Variants in PCBD2 observed in about 807,000 individuals in gnomAD.
PCBD2 encodes pterin-4-alpha-carbinolamine dehydratase 2.
Under a neutral mutation model 16.4 loss-of-function variants are expected in PCBD2, and 12 were observed. The observed-to-expected ratio is 0.73, with a 90% CI of 0.47 to 1.19. PCBD2 has a LOEUF of 1.19. PCBD2 is among the 50% of genes most tolerant of loss of function. The pLI is 0.00. For synonymous variants in PCBD2, 58 were observed against 61.8 expected (o/e 0.94, Z 0.29); for missense variants, 138 against 156.8 (o/e 0.88, Z 0.64).
intron 2 of PCBD2, chr5:134,926,782 G>A: frequency 2.5e-6 from 1 of 397,948 alleles, no homozygotes; most frequent in East Asian, 3.6e-5. Flanking sequence ...TGGTGGCTGA[G>A]CGAGCCTCAT....
intron 2 of PCBD2, among the ~76,000 whole-genome samples, chr5:134,914,718 C>T (rs955326535): frequency 6.6e-6 from 1 of 151,280 alleles, no homozygotes; most frequent in Non-Finnish European, 1.5e-5. Flanking sequence ...GTCACCCAGT[C>T]TGGAGTACAA....
chr5:134,926,748 A>G, intron 2 of PCBD2: 1 of 397,618 alleles, frequency 2.5e-6, no homozygotes. Flanking sequence ...TTCTCGTGTG[A>G]ATGAGGGTTT....
chr5:134,919,741 A>C (rs1425938893), intron 2 of PCBD2, among the ~76,000 whole-genome samples: 2 of 152,240 alleles, frequency 1.3e-5, no homozygotes, highest in Non-Finnish European at 2.9e-5. Flanking sequence ...AAATAATTGA[A>C]AGGAGACCTT....
intron 2 of PCBD2, chr5:134,925,660 G>A: frequency 2.5e-6 from 1 of 397,408 alleles, no homozygotes; most frequent in Non-Finnish European, 4.4e-6. Flanking sequence ...GTTATTCTCT[G>A]CTAGGGGGTG....
At chr5:134,955,656 C>A (rs866364134) in intron 2 of PCBD2, among the ~76,000 whole-genome samples, 16 of 152,224 alleles carry the variant, frequency 1.1e-4, no homozygotes, top group Admixed American at 2.0e-4. Context: ...TACATTTATT[C>A]TTTTCTAGTT....
At chr5:134,932,807 A>C (rs1342168570) in intron 2 of PCBD2, among the ~76,000 whole-genome samples, 2 of 152,032 alleles carry the variant, frequency 1.3e-5, no homozygotes, top group African/African-American at 4.8e-5. Context: ...TTAAACTATG[A>C]TTCTGTTATG....
intron 2 of PCBD2, chr5:134,927,677 G>T: frequency 2.5e-6 from 1 of 398,290 alleles, no homozygotes. Flanking sequence ...TTTCGAAGAA[G>T]ATATAAAATA....
At chr5:134,958,273 A>T (rs1751436405) in intron 2 of PCBD2, among the ~76,000 whole-genome samples, 1 of 152,246 alleles carries the variant, frequency 6.6e-6, no homozygotes, top group Non-Finnish European at 1.5e-5. Flanking sequence ...TCTTCTGAAG[A>T]CAAGTTTACC....
chr5:134,951,256 C>CCT (rs1660950741), intron 2 of PCBD2, among the ~76,000 whole-genome samples: 1 of 152,108 alleles, frequency 6.6e-6, no homozygotes, highest in African/African-American at 2.4e-5. Context: ...TCTTTTCTTT[C>CCT]CTTTTTATAT....
At chr5:134,952,769 G>C (rs1436309992) in intron 2 of PCBD2, among the ~76,000 whole-genome samples, 2 of 151,196 alleles carry the variant, frequency 1.3e-5, no homozygotes, top group Non-Finnish European at 2.9e-5. Flanking sequence ...TCGTGCCACT[G>C]CATTCCAACC....
At chr5:134,955,274 G>A (rs976380090) in intron 2 of PCBD2, among the ~76,000 whole-genome samples, 1 of 145,954 alleles carries the variant, frequency 6.9e-6, no homozygotes, top group African/African-American at 2.5e-5. Context: ...AATTTTGGGG[G>A]TTTCGTATTT....
At chr5:134,944,493 C>T (rs1206074722) in intron 2 of PCBD2, among the ~76,000 whole-genome samples, 1 of 151,584 alleles carries the variant, frequency 6.6e-6, no homozygotes, top group Non-Finnish European at 1.5e-5. Context: ...AGAGTTAAGC[C>T]CTATAATTTG....
intron 2 of PCBD2, among the ~76,000 whole-genome samples, chr5:134,957,080 T>C (rs1273969435): frequency 6.6e-6 from 1 of 152,118 alleles, no homozygotes; most frequent in African/African-American, 2.4e-5. Flanking sequence ...CTGGCCAAGA[T>C]AGTGAAACCC....
chr5:134,934,408 A>G (rs543994920), intron 2 of PCBD2, among the ~76,000 whole-genome samples: 1 of 152,190 alleles, frequency 6.6e-6, no homozygotes, highest in Non-Finnish European at 1.5e-5. Context: ...TAATTGTTAC[A>G]TCATGGTTTG....
At chr5:134,927,765 C>T (rs1408072673) in intron 2 of PCBD2, 10 of 395,258 alleles carry the variant, frequency 2.5e-5, no homozygotes, top group Admixed American at 4.5e-5. Flanking sequence ...GAGTTTTTTT[C>T]GTGATAGTGG....
chr5:134,922,857 T>C (rs1750921350), intron 2 of PCBD2, among the ~76,000 whole-genome samples: 1 of 152,152 alleles, frequency 6.6e-6, no homozygotes, highest in East Asian at 1.9e-4. Context: ...TTTATTTTTT[T>C]AGTAGACACG....
chr5:134,928,067 A>G (rs1751040153), intron 2 of PCBD2: 1 of 394,366 alleles, frequency 2.5e-6, no homozygotes, highest in African/African-American at 2.1e-5. Context: ...TACGTAGTCT[A>G]GGCCATACGT....
At chr5:134,927,386 A>G in intron 2 of PCBD2, 1 of 398,418 alleles carries the variant, frequency 2.5e-6, no homozygotes, top group Admixed American at 4.4e-5. Flanking sequence ...CATGGGCTTT[A>G]GGGAGCCATA....
chr5:134,932,487 A>T (rs1454568948), intron 2 of PCBD2, among the ~76,000 whole-genome samples: 1 of 151,974 alleles, frequency 6.6e-6, no homozygotes, highest in Non-Finnish European at 1.5e-5. Context: ...GATTACAGGG[A>T]TGCGCCACCA....
Sources: gnomAD v4.1 joint callset for allele counts (sites outside exome capture counted in the v4.1 genomes callset) on GRCh38, gnomAD v4.1.1 for gene constraint, MANE v1.5 for transcripts, NCBI Gene and HGNC (gene_info 2026-07-23, HGNC 2026-07-21) for gene names.